Variants in LRP1B observed in about 807,000 individuals in gnomAD.
The protein encoded by LRP1B is LDL receptor related protein 1B, also known as low-density lipoprotein receptor-related protein 1B.
LRP1B carries 217 observed loss-of-function variants against 556.6 expected under a neutral mutation model. The observed-to-expected ratio is 0.39, with a 90% CI of 0.35 to 0.44. LRP1B has a LOEUF of 0.44. LRP1B is among the 20% of genes least tolerant of loss of function. The pLI is 1.00. For synonymous variants in LRP1B, 2,047 were observed against 1,865.8 expected (o/e 1.10, Z -2.50); for missense variants, 5,053 against 5,620.8 (o/e 0.90, Z 3.23).
intron 37 of LRP1B, among the ~76,000 whole-genome samples, chr2:140,703,152 G>T (rs1226021340): frequency 6.6e-6 from 1 of 151,958 alleles, no homozygotes; most frequent in Non-Finnish European, 1.5e-5. Context: ...TTTCTACTTA[G>T]ACTGCTAAAT....
At chr2:141,067,777 T>A (rs1699518760) in intron 7 of LRP1B, among the ~76,000 whole-genome samples, 2 of 152,000 alleles carry the variant, frequency 1.3e-5, no homozygotes, top group Admixed American at 1.3e-4. Flanking sequence ...ACCCTTTCTC[T>A]CAATAATCTC....
At chr2:140,389,973 C>T (rs187715959) in intron 66 of LRP1B, among the ~76,000 whole-genome samples, 2 of 151,840 alleles carry the variant, frequency 1.3e-5, no homozygotes, top group African/African-American at 2.4e-5. Context: ...TACTAAAAAA[C>T]ATGAAAATTA....
intron 80 of LRP1B, among the ~76,000 whole-genome samples, chr2:140,325,496 C>T (rs1456109569): frequency 3.9e-5 from 6 of 152,074 alleles, no homozygotes; most frequent in Non-Finnish European, 8.8e-5. Flanking sequence ...GGAATAGCCA[C>T]GGAAGCCACA....
intron 2 of LRP1B, among the ~76,000 whole-genome samples, chr2:141,595,841 G>T (rs112180646): frequency 7.8e-4 from 119 of 152,068 alleles, no homozygotes; most frequent in African/African-American, 2.8e-3. Context: ...TGCATGATGT[G>T]CTCTATCATA....
intron 15 of LRP1B, among the ~76,000 whole-genome samples, chr2:141,002,351 T>C (rs1300762278): frequency 6.6e-6 from 1 of 152,058 alleles, no homozygotes; most frequent in Non-Finnish European, 1.5e-5. Context: ...AGAATTAATA[T>C]GCAGAAGAAA....
chr2:141,564,792 T>G (rs1184953599), intron 2 of LRP1B, among the ~76,000 whole-genome samples: 2 of 152,072 alleles, frequency 1.3e-5, no homozygotes, highest in African/African-American at 4.8e-5. Context: ...CTCTAATGAT[T>G]TATACTGTGG....
At chr2:141,169,717 A>T (rs1351241147) in intron 7 of LRP1B, among the ~76,000 whole-genome samples, 3 of 151,714 alleles carry the variant, frequency 2.0e-5, no homozygotes, top group Non-Finnish European at 2.9e-5. Flanking sequence ...TAAGATTTAA[A>T]CATGGAAATG....
At chr2:140,815,700 T>C (rs1573755787) in intron 31 of LRP1B, among the ~76,000 whole-genome samples, 1 of 152,288 alleles carries the variant, frequency 6.6e-6, no homozygotes, top group East Asian at 1.9e-4. Flanking sequence ...CTTTTCCATA[T>C]GTACGTGATT....
At chr2:140,783,785 G>A (rs1689785811) in intron 32 of LRP1B, among the ~76,000 whole-genome samples, 1 of 152,162 alleles carries the variant, frequency 6.6e-6, no homozygotes, top group Non-Finnish European at 1.5e-5. Context: ...TGCCAAGGGA[G>A]TGTCTTTCCT....
At chr2:141,496,286 A>C (rs1263697267) in intron 2 of LRP1B, among the ~76,000 whole-genome samples, 1 of 151,912 alleles carries the variant, frequency 6.6e-6, no homozygotes, top group Non-Finnish European at 1.5e-5. Flanking sequence ...TAAAAAAAAA[A>C]TGCCAAACTT....
intron 3 of LRP1B, among the ~76,000 whole-genome samples, chr2:141,415,985 G>T (rs184403479): frequency 1.3e-5 from 2 of 152,134 alleles, no homozygotes; most frequent in Non-Finnish European, 2.9e-5. Flanking sequence ...TAAATTAATC[G>T]CCAGACTACT....
intron 1 of LRP1B, among the ~76,000 whole-genome samples, chr2:141,877,403 A>G (rs1698805750): frequency 6.6e-6 from 1 of 151,964 alleles, no homozygotes; most frequent in African/African-American, 2.4e-5. Context: ...GAGTTTTTAT[A>G]TCTGGGAAAT....
At chr2:141,912,469 G>C (rs1699929184) in intron 1 of LRP1B, among the ~76,000 whole-genome samples, 1 of 152,044 alleles carries the variant, frequency 6.6e-6, no homozygotes, top group African/African-American at 2.4e-5. Context: ...ACGGAAAAAG[G>C]CTCGGGGCAA....
intron 41 of LRP1B, among the ~76,000 whole-genome samples, chr2:140,697,372 T>G (rs1686468325): frequency 6.6e-6 from 1 of 152,050 alleles, no homozygotes; most frequent in African/African-American, 2.4e-5. Flanking sequence ...AGTGATCTCA[T>G]GAAATATAAA....
intron 66 of LRP1B, among the ~76,000 whole-genome samples, chr2:140,408,723 C>T (rs1573903754): frequency 6.6e-6 from 1 of 151,866 alleles, no homozygotes; most frequent in South Asian, 2.1e-4. Context: ...GTTGCCTTTG[C>T]CATAAAACCC....
chr2:140,398,331 G>C (rs1257587440), intron 66 of LRP1B, among the ~76,000 whole-genome samples: 1 of 151,926 alleles, frequency 6.6e-6, no homozygotes, highest in Non-Finnish European at 1.5e-5. Context: ...AAAGGACACA[G>C]ACACACACAC....
intron 62 of LRP1B, among the ~76,000 whole-genome samples, chr2:140,451,790 T>TA: frequency 6.6e-6 from 1 of 151,530 alleles, no homozygotes; most frequent in Non-Finnish European, 1.5e-5. Context: ...GGCTGACTTA[T>TA]AAAAAATGAA....
At chr2:140,516,399 T>C (rs1689900905) in intron 50 of LRP1B, among the ~76,000 whole-genome samples, 1 of 151,876 alleles carries the variant, frequency 6.6e-6, no homozygotes, top group Admixed American at 6.6e-5. Context: ...TACAGGATGA[T>C]GTGCATAGGT....
chr2:140,553,534 A>G (rs137925441), intron 43 of LRP1B, among the ~76,000 whole-genome samples: 13 of 152,126 alleles, frequency 8.5e-5, no homozygotes, highest in Non-Finnish European at 1.8e-4. Flanking sequence ...TCAACCCTCT[A>G]GATAACTACC....
Sources: allele counts gnomAD v4.1 joint callset (sites outside exome capture counted in the v4.1 genomes callset), GRCh38; gene constraint gnomAD v4.1.1; transcripts MANE v1.5; gene names NCBI Gene and HGNC (gene_info 2026-07-23, HGNC 2026-07-21).